The following GNPNAT1 variants were observed in gnomAD, a reference collection of about 807,000 sequenced individuals.
GNPNAT1 encodes glucosamine 6-phosphate N-acetyltransferase.
A neutral mutation model predicts 19.8 loss-of-function variants in GNPNAT1; 11 were observed. The ratio of observed to expected loss-of-function variants is 0.56; its 90% confidence interval spans 0.35 to 0.92. GNPNAT1 has a LOEUF of 0.92. Ranked by LOEUF, GNPNAT1 falls within the 40% of genes least tolerant of loss-of-function variation. GNPNAT1 has a pLI of 0.01. For missense variants in GNPNAT1, 157 were observed against 211.0 expected (o/e 0.74, Z 1.59); for synonymous variants, 71 against 72.3 (o/e 0.98, Z 0.09).
At chr14:52,784,052 T>C (rs1240920096) in intron 2 of GNPNAT1, among the ~76,000 whole-genome samples, 1 of 152,156 alleles carries the variant, frequency 6.6e-6, no homozygotes. Flanking sequence ...GAGATAATTG[T>C]GAAAAGGACA....
chr14:52,783,560 G>T, intron 2 of GNPNAT1, 75 bp from the exon 3 acceptor site: 1 of 933,986 alleles, frequency 1.1e-6, no homozygotes, highest in Non-Finnish European at 1.7e-6. Context: ...AATATATTAA[G>T]CAGGTGGGCT....
rs771401268 is a variant in GNPNAT1, at chr14:52,783,504, T to A, written c.155-19A>T. The A allele has an allele frequency of 1.3e-6, 2 of 1,552,080 alleles. No individual in the cohort carries two copies. The highest frequency in any genetic ancestry group is 1.8e-6 in the Non-Finnish European group (2 of 1,124,820). ...AAAAAACCTAGTTTTGAAAAACAGATTTCAAATTACGAGAATAGCAAAAGG... is the reference window on the plus strand; with the variant it reads ...AAAAAACCTAGTTTTGAAAAACAGAATTCAAATTACGAGAATAGCAAAAGG... On this transcript the variant is annotated intron_variant, in intron 2 of 5. Coordinates refer to ENST00000216410, the MANE Select transcript of GNPNAT1 (RefSeq NM_198066.4).
Position 52,781,830 on chromosome 14 carries a change from G to T in GNPNAT1, c.299C>A (p.Thr100Lys). The change falls in exon 4 of 6, where the codon ACG (threonine) becomes AAG (lysine). Residue 100 changes from threonine (T) to lysine (K), a missense_variant. By Grantham distance (78) the Thr-to-Lys change is moderately conservative (BLOSUM62 -1). Transcript: ENST00000216410. ...TTTATGTTCTATAATCAGAGTTGCCGTAGCAACAATCTGTCCTAGAGTCAC... is the reference window on the plus strand; with the variant it reads ...TTTATGTTCTATAATCAGAGTTGCCTTAGCAACAATCTGTCCTAGAGTCAC... ...EDVTLGQIVATATLIIEHKFI... is the reference protein window; with the variant it reads ...EDVTLGQIVAKATLIIEHKFI... The T allele has an allele frequency of 1.9e-6, 3 of 1,605,476 alleles. No homozygotes were observed. The highest frequency in any genetic ancestry group is 2.5e-6 in the Non-Finnish European group (3 of 1,176,826).
rs1444840395 is a variant in GNPNAT1, at chr14:52,780,189, TAATA to T, written c.407+486_407+489del. ...ACCCTGTCTCAAAAACTAAAAATTA[TAATA>T]AATAAGAACTACAAGTTCTTATAAA... On this transcript the variant is annotated intron_variant, in intron 5 of 5. Transcript: ENST00000216410. Among the ~76,000 whole-genome samples the T allele has an allele frequency of 2.0e-5, 3 of 152,220 alleles. No individual in the cohort carries two copies. In the South Asian group the frequency reaches 6.2e-4, roughly 32 times the overall value.
rs1245860600 is a variant in GNPNAT1 at position 52,778,194 on chromosome 14, T to C, written c.*117A>G. The stretch of plus-strand genomic sequence containing the variant: ...TGTCATTATACTTGTAGTATTACAA[T>C]GTTTTTTCAGTCCAGTATTTATGGA... On this transcript the variant is annotated 3_prime_UTR_variant, in exon 6 of 6. Transcript: ENST00000216410. 5.9e-6 allele frequency: 4 copies of C among 677,118 alleles called. No homozygotes were observed. Among genetic ancestry groups the C allele is most frequent in the Non-Finnish European group, 9.6e-6 (4 of 415,898 alleles). The allele number at this position is 677,118 out of a possible 1,614,324, so 41.9% of individuals were successfully genotyped here.
intron 1 of GNPNAT1, among the ~76,000 whole-genome samples, chr14:52,789,031 T>C (rs1018028522): frequency 6.6e-6 from 1 of 152,222 alleles, no homozygotes; most frequent in Non-Finnish European, 1.5e-5. Context: ...TGTATCATTA[T>C]TATCCCAATT....
In GNPNAT1 at chr14:52,778,209, G is replaced by T; in HGVS notation, c.*102C>A. On this transcript the variant is annotated 3_prime_UTR_variant, in exon 6 of 6. Transcript: ENST00000216410. Reference sequence around the variant, plus strand: ...AGTATTACAATGTTTTTTCAGTCCAGTATTTATGGAGGTCACTCGGCTGCA... The same window carrying T: ...AGTATTACAATGTTTTTTCAGTCCATTATTTATGGAGGTCACTCGGCTGCA... 3.6e-6 allele frequency: 3 copies of T among 842,842 alleles called. No homozygotes were observed. The highest frequency in any genetic ancestry group is 5.5e-6 in the Non-Finnish European group (3 of 549,530). 52.2% of individuals were successfully genotyped at this position (842,842 alleles called of 1,614,324 possible).
At position 52,781,918 on chromosome 14, in the gene GNPNAT1, A is replaced by T. The variant is rs747187555; in HGVS notation, c.218-7T>A. 64 of 1,600,312 alleles carry T rather than the reference A, an allele frequency of 4.0e-5. 1 individual carries two copies. In the Middle Eastern group the frequency reaches 1.9e-3, roughly 48 times the overall value. ...TTCATATGCTCAAAAGATTCTGTGG[A>T]AATTGGATAACAAAGTGTTACATAG... On this transcript the variant is annotated splice_region_variant and splice_polypyrimidine_tract_variant and intron_variant, in intron 3 of 5. Coordinates refer to ENST00000216410, the MANE Select transcript of GNPNAT1 (RefSeq NM_198066.4).
intron 1 of GNPNAT1, among the ~76,000 whole-genome samples, chr14:52,786,059 C>CTTT (rs139721043): frequency 0.016 from 2,119 of 133,510 alleles, 60 homozygotes; most frequent in African/African-American, 0.056. Flanking sequence ...CCACATGTAG[C>CTTT]TTTTTTTTTT....
Position 52,791,291 on chromosome 14 carries a change from C to G in GNPNAT1, c.-15+137G>C. On this transcript the variant is annotated intron_variant, in intron 1 of 5. Coordinates refer to ENST00000216410, the MANE Select transcript of GNPNAT1 (RefSeq NM_198066.4). The surrounding 1 kb of genome is among the most constrained non-coding windows in gnomAD (Gnocchi z 4.1). ...CACCCAGCTGGCGAGGATTAACGCCCAGCTCCTCCACACAACACCCCCGGG... is the reference window on the plus strand; with the variant it reads ...CACCCAGCTGGCGAGGATTAACGCCGAGCTCCTCCACACAACACCCCCGGG... The G allele has an allele frequency of 6.6e-6, 1 of 152,228 alleles. No individual in the cohort carries two copies. 9.4% of individuals were successfully genotyped at this position (152,228 alleles called of 1,614,324 possible).
chr14:52,781,663 C>A (rs943060875), intron 4 of GNPNAT1, 121 bp downstream of exon 4: 4 of 885,960 alleles, frequency 4.5e-6, no homozygotes, highest in African/African-American at 1.7e-5. Context: ...TCAGAACACA[C>A]TGGGAAAAGG....
rs1882681010 is a variant in GNPNAT1 at position 52,775,433 on chromosome 14, G to A, written c.*2878C>T. 6.6e-6 allele frequency: 1 copy of A among 152,148 alleles called. No homozygotes were observed. The highest frequency in any genetic ancestry group is 1.5e-5 in the Non-Finnish European group (1 of 68,032). The allele number at this position is 152,148 out of a possible 1,614,324, so 9.4% of individuals were successfully genotyped here. ...ACCATTATTTTAGGCACCACTAAAA[G>A]ACAGTGTATTGCTAACAAAACTATG... On this transcript the variant is annotated 3_prime_UTR_variant, in exon 6 of 6. Coordinates refer to ENST00000216410, the MANE Select transcript of GNPNAT1 (RefSeq NM_198066.4).
rs1383165766 is a variant in GNPNAT1 at position 52,785,626 on chromosome 14, G to C, written c.-14-962C>G. 4.6e-5 allele frequency among the ~76,000 whole-genome samples: 7 copies of C among 151,798 alleles called. No individual in the cohort carries two copies. The East Asian group carries it at 1.4e-3, about 31-fold the overall frequency. ...TAATCCCAGCTACTCGGGAGGCTGA[G>C]GCAGGAGAATCGCCTCAGAACCTGG... is the stretch of plus-strand genomic sequence containing the variant. On this transcript the variant is annotated intron_variant, in intron 1 of 5. Transcript: ENST00000216410.
chr14:52,777,342 TAAATAA>T lies in GNPNAT1; in HGVS notation c.*963_*968del. On this transcript the variant is annotated 3_prime_UTR_variant, in exon 6 of 6. Coordinates refer to ENST00000216410, the MANE Select transcript of GNPNAT1 (RefSeq NM_198066.4). ...ATTTAATTCTTCAACTTTAAAAAAT[TAAATAA>T]AATCAAAATAGGATAATGACCAGAA... 1 of 152,678 alleles carries T rather than the reference TAAATAA, an allele frequency of 6.5e-6. No individual in the cohort carries two copies. Among genetic ancestry groups the T allele is most frequent in the Non-Finnish European group, 1.5e-5 (1 of 67,998 alleles). The allele number at this position is 152,678 out of a possible 1,614,324, so 9.5% of individuals were successfully genotyped here.
chr14:52,786,059 C>T (rs1436749481), intron 1 of GNPNAT1, among the ~76,000 whole-genome samples: 2 of 133,532 alleles, frequency 1.5e-5, no homozygotes, highest in East Asian at 2.5e-4. Flanking sequence ...CCACATGTAG[C>T]TTTTTTTTTT....
chr14:52,781,846 C>G lies in GNPNAT1; in HGVS notation c.283G>C (p.Gly95Arg). Reference sequence around the variant, plus strand: ...AGAGTTGCCGTAGCAACAATCTGTCCTAGAGTCACATCTTCTACAACTGTA... The same window carrying G: ...AGAGTTGCCGTAGCAACAATCTGTCGTAGAGTCACATCTTCTACAACTGTA... ...YVTVVEDVTL[G>R]QIVATATLII... The change falls in exon 4 of 6, where the codon GGA (glycine) becomes CGA (arginine). Residue 95 changes from glycine (G) to arginine (R), a missense_variant. Physicochemically the swap from Gly to Arg is moderately radical, Grantham distance 125. Transcript: ENST00000216410. 1 of 1,607,856 alleles carries G rather than the reference C, an allele frequency of 6.2e-7. No homozygotes were observed. The highest frequency in any genetic ancestry group is 8.5e-7 in the Non-Finnish European group (1 of 1,177,314).
intron 1 of GNPNAT1, among the ~76,000 whole-genome samples, chr14:52,785,189 A>G (rs990233004): frequency 2.6e-5 from 4 of 151,650 alleles, no homozygotes; most frequent in South Asian, 2.1e-4. Context: ...CGGCCTCCCA[A>G]AGTGCTGGGA....
chr14:52,790,421 T>C (rs541214202), intron 1 of GNPNAT1, among the ~76,000 whole-genome samples: 6 of 152,338 alleles, frequency 3.9e-5, no homozygotes, highest in South Asian at 2.1e-4. Context: ...ATCTATTCCG[T>C]TAAAGATTTT....
At chr14:52,784,949 A>T (rs1285297031) in intron 1 of GNPNAT1, among the ~76,000 whole-genome samples, 1 of 142,740 alleles carries the variant, frequency 7.0e-6, no homozygotes, top group Non-Finnish European at 1.5e-5. Flanking sequence ...TTTTTTTCAG[A>T]CAGTCTCACT....
Sources: gnomAD v4.1 joint callset for allele counts (sites outside exome capture counted in the v4.1 genomes callset) on GRCh38, gnomAD v4.1.1 for gene constraint, Gnocchi (gnomAD v3.1) non-coding constraint, MANE v1.5 for transcripts, NCBI Gene and HGNC (gene_info 2026-07-23, HGNC 2026-07-21) for gene names.